The following ARHGAP15 variants were observed in gnomAD, a reference collection of about 807,000 sequenced individuals.
ARHGAP15 encodes Rho GTPase activating protein 15.
ARHGAP15 carries 51 observed loss-of-function variants against 63.7 expected under a neutral mutation model. The ratio of observed to expected loss-of-function variants is 0.80; its 90% CI spans 0.64 to 1.01. The LOEUF is 1.01. Among genes scored for constraint, ARHGAP15 ranks in the 50% least tolerant of loss-of-function variants. ARHGAP15 has a pLI of 0.00. For missense variants in ARHGAP15, 560 were observed against 564.6 expected (o/e 0.99, Z 0.08); for synonymous variants, 191 against 193.8 (o/e 0.99, Z 0.12).
At chr2:143,556,069 A>G (rs1695783446) in intron 10 of ARHGAP15, among the ~76,000 whole-genome samples, 2 of 152,048 alleles carry the variant, frequency 1.3e-5, no homozygotes, top group Admixed American at 1.3e-4. Context: ...CTTGCAGAAA[A>G]AAGGCAATAA....
At chr2:143,130,783 T>C (rs1688887408) in intron 1 of ARHGAP15, among the ~76,000 whole-genome samples, 1 of 152,154 alleles carries the variant, frequency 6.6e-6, no homozygotes, top group Non-Finnish European at 1.5e-5. Context: ...TAATATATAT[T>C]TGCTTTGATA....
intron 6 of ARHGAP15, among the ~76,000 whole-genome samples, chr2:143,334,157 C>T (rs1273235316): frequency 1.3e-5 from 2 of 152,134 alleles, no homozygotes; most frequent in Non-Finnish European, 1.5e-5. Context: ...ATGGTAGGAA[C>T]TGAATTAATC....
rs139239450 is a variant in ARHGAP15 at position 143,649,410 on chromosome 2, C to T, written c.1138+25143C>T. 2.3e-3 allele frequency among the ~76,000 whole-genome samples: 357 copies of T among 152,010 alleles called. 2 individuals are homozygous for T. The highest frequency in any genetic ancestry group is 6.8e-3 in the Middle Eastern group (2 of 294). On this transcript the variant is annotated intron_variant, in intron 12 of 13. Coordinates refer to ENST00000295095, the MANE Select transcript of ARHGAP15 (RefSeq NM_018460.4). ...TTTTAAACAAAACTGCTTTCCTGAC[C>T]GTAACTGAATTTTCACATTGTCAGC...
rs67267617 is a variant in ARHGAP15 at position 143,262,535 on chromosome 2, A to ATTTTTTTTTTTTTTTTTT, written c.474+11942_474+11959dup. On this transcript the variant is annotated intron_variant, in intron 6 of 13. Coordinates refer to ENST00000295095, the MANE Select transcript of ARHGAP15 (RefSeq NM_018460.4). ...TGTATATGCGGGGTCTGAACCTTTGATTTTTTTTTTTTTTTTTTTTTTTTA... is the reference window on the plus strand; with the variant it reads ...TGTATATGCGGGGTCTGAACCTTTGATTTTTTTTTTTTTTTTTTTTTTTTTTTTTTTTTTTTTTTTTTA... 2.6e-4 allele frequency among the ~76,000 whole-genome samples: 24 copies of ATTTTTTTTTTTTTTTTTT among 90,918 alleles called. 1 individual carries two copies. The highest frequency in any genetic ancestry group is 6.1e-4 in the East Asian group (2 of 3,288). 59.6% of individuals were successfully genotyped at this position (90,918 alleles called of 152,430 possible).
intron 2 of ARHGAP15, among the ~76,000 whole-genome samples, chr2:143,163,832 TTG>T (rs1444295609): frequency 6.6e-6 from 1 of 152,034 alleles, no homozygotes; most frequent in African/African-American, 2.4e-5. Flanking sequence ...GCTATAAAAT[TTG>T]TGTGTCTAAA....
At chr2:143,707,573 G>A (rs1322594679) in intron 13 of ARHGAP15, among the ~76,000 whole-genome samples, 5 of 152,134 alleles carry the variant, frequency 3.3e-5, no homozygotes, top group African/African-American at 7.2e-5. Flanking sequence ...CGGAAAACCC[G>A]TATATGCAAT....
chr2:143,185,517 C>T (rs1299460666), intron 2 of ARHGAP15, among the ~76,000 whole-genome samples: 1 of 152,112 alleles, frequency 6.6e-6, no homozygotes, highest in Non-Finnish European at 1.5e-5. Context: ...GGAGTGCTAC[C>T]CCAATCCTAT....
rs186066984 is a variant in ARHGAP15 at position 143,230,666 on chromosome 2, G to T, written c.384+1998G>T. Reference sequence around the variant, plus strand: ...ATGTTTGTGCTGCATGAATTGACTTGCTAGTCAACTTCTTGGATCCATTTC... The same window carrying T: ...ATGTTTGTGCTGCATGAATTGACTTTCTAGTCAACTTCTTGGATCCATTTC... On this transcript the variant is annotated intron_variant, in intron 5 of 13. Coordinates refer to ENST00000295095, the MANE Select transcript of ARHGAP15 (RefSeq NM_018460.4). 3.1e-4 allele frequency among the ~76,000 whole-genome samples: 47 copies of T among 152,282 alleles called. No homozygotes were observed. The East Asian group carries it at 6.8e-3, about 22-fold the overall frequency.
chr2:143,524,572 G>A (rs1694184980), intron 10 of ARHGAP15, among the ~76,000 whole-genome samples: 1 of 152,164 alleles, frequency 6.6e-6, no homozygotes, highest in African/African-American at 2.4e-5. Flanking sequence ...TTGGAAAAAG[G>A]ATGGCTAAAA....
intron 13 of ARHGAP15, among the ~76,000 whole-genome samples, chr2:143,725,131 C>G (rs1395722397): frequency 6.6e-6 from 1 of 152,082 alleles, no homozygotes; most frequent in African/African-American, 2.4e-5. Flanking sequence ...TGTTTTTGAC[C>G]AGAGCATTTG....
At chr2:143,169,930 T>C (rs145731860) in intron 2 of ARHGAP15, among the ~76,000 whole-genome samples, 164 of 152,092 alleles carry the variant, frequency 1.1e-3, no homozygotes, top group Non-Finnish European at 1.5e-3. Context: ...CAGATGTAAA[T>C]TATCCCCTCA....
At chr2:143,561,690 A>G (rs1696036048) in intron 11 of ARHGAP15, among the ~76,000 whole-genome samples, 1 of 151,638 alleles carries the variant, frequency 6.6e-6, no homozygotes, top group Non-Finnish European at 1.5e-5. Flanking sequence ...TAATATTTGT[A>G]TTTTTAGTAG....
Position 143,433,419 on chromosome 2 carries a change from T to G in ARHGAP15, c.475-2182T>G, listed in dbSNP as rs539105472. 5.9e-5 allele frequency among the ~76,000 whole-genome samples: 9 copies of G among 152,226 alleles called. No homozygotes were observed. The South Asian group carries it at 1.5e-3, about 25-fold the overall frequency. ...TGTGAACTGCATCTCTCTGATAGTA[T>G]GTTTTGAATGAATTGCATTCATATA... is the stretch of plus-strand genomic sequence containing the variant. On this transcript the variant is annotated intron_variant, in intron 6 of 13. Transcript: ENST00000295095.
intron 12 of ARHGAP15, among the ~76,000 whole-genome samples, chr2:143,699,617 G>A (rs1009312258): frequency 1.3e-5 from 2 of 152,146 alleles, no homozygotes; most frequent in African/African-American, 4.8e-5. Context: ...AAAGTATTTA[G>A]GTTGTTGTGT....
chr2:143,193,195 G>A (rs762213884), intron 2 of ARHGAP15, among the ~76,000 whole-genome samples: 2 of 152,210 alleles, frequency 1.3e-5, no homozygotes, highest in African/African-American at 2.4e-5. Flanking sequence ...GTCACTTGTA[G>A]TATTATGCAG....
intron 2 of ARHGAP15, among the ~76,000 whole-genome samples, chr2:143,201,117 T>A (rs76701892): frequency 2.0e-5 from 3 of 151,914 alleles, no homozygotes; most frequent in African/African-American, 4.8e-5. Flanking sequence ...TTTTAATTTT[T>A]ATTTTTTTTT....
chr2:143,508,666 A>G (rs1353630810), intron 9 of ARHGAP15, among the ~76,000 whole-genome samples: 1 of 152,182 alleles, frequency 6.6e-6, no homozygotes, highest in South Asian at 2.1e-4. Flanking sequence ...GGTGGGAGAG[A>G]TAGGTACAAA....
intron 13 of ARHGAP15, among the ~76,000 whole-genome samples, chr2:143,756,712 T>A (rs1686589919): frequency 6.6e-6 from 1 of 152,158 alleles, no homozygotes; most frequent in African/African-American, 2.4e-5. Flanking sequence ...GAGATATGAA[T>A]GCTTTCAGAA....
intron 6 of ARHGAP15, among the ~76,000 whole-genome samples, chr2:143,315,448 C>T (rs1305540971): frequency 6.6e-6 from 1 of 152,060 alleles, no homozygotes; most frequent in East Asian, 1.9e-4. Context: ...ATACATGTGG[C>T]TCCCAAGCAC....
Sources: allele counts gnomAD v4.1 joint callset (sites outside exome capture counted in the v4.1 genomes callset), GRCh38; gene constraint gnomAD v4.1.1; transcripts MANE v1.5; gene names NCBI Gene and HGNC (gene_info 2026-07-23, HGNC 2026-07-21).